LAMA1: variants seen among roughly 807,000 people sequenced by gnomAD.
LAMA1 encodes the protein laminin subunit alpha-1.
LAMA1 carries 219 observed loss-of-function variants against 348.7 expected under a neutral mutation model. The ratio of observed to expected loss-of-function variants is 0.63; its 90% CI spans 0.56 to 0.70. The LOEUF (loss-of-function observed/expected upper bound fraction) is 0.70, where lower values mean the gene tolerates loss of function less well. LAMA1 is among the 30% of genes least tolerant of loss of function. The pLI is 0.00. For missense variants in LAMA1, 3,744 were observed against 3,888.0 expected (o/e 0.96, Z 0.99); for synonymous variants, 1,487 against 1,491.0 (o/e 1.00, Z 0.06).
At chr18:7,021,898 C>CTAGTAATTATA (rs2057919585) in intron 19 of LAMA1, among the ~76,000 whole-genome samples, 2 of 141,774 alleles carry the variant, frequency 1.4e-5, no homozygotes, top group Admixed American at 1.4e-4. Context: ...TGGTTTATTA[C>CTAGTAATTATA]TAGTAATTAT....
intron 4 of LAMA1, among the ~76,000 whole-genome samples, chr18:7,049,762 T>A (rs972514634): frequency 1.1e-4 from 17 of 152,224 alleles, no homozygotes; most frequent in African/African-American, 4.1e-4. Context: ...TCTCAATGTC[T>A]TCAGTTTATT....
In LAMA1 at chr18:6,973,148, G is replaced by T. The variant is rs374082294; in HGVS notation, c.6683C>A (p.Thr2228Lys). The T allele has an allele frequency of 6.2e-7, 1 of 1,614,056 alleles. No homozygotes were observed. The highest frequency in any genetic ancestry group is 1.3e-5 in the African/African-American group (1 of 75,052). Residue 2228 changes from threonine to lysine, a missense_variant, in exon 47 of 63, where the codon ACA becomes AAA. Physicochemically the swap from Thr to Lys is moderately conservative, Grantham distance 78. This residue lies in a region of LAMA1 where 1,983 missense variants were observed against 1,934.3 expected (regional missense o/e 1.03). Transcript: ENST00000389658. Reference sequence around the variant, plus strand: ...TGTCCCAGGGGATTTACTTGTTTTTGTTGGTGACTTTTGATTTGAGCTCAT... The same window carrying T: ...TGTCCCAGGGGATTTACTTGTTTTTTTTGGTGACTTTTGATTTGAGCTCAT... ...KEMSSNQKSP[T>K]KTSKSPGTAN...
At chr18:6,961,371 C>A (rs1259044401) in intron 53 of LAMA1, among the ~76,000 whole-genome samples, 1 of 152,302 alleles carries the variant, frequency 6.6e-6, no homozygotes, top group Non-Finnish European at 1.5e-5. Flanking sequence ...TTTCCTCAGT[C>A]ACCAGACAAT....
intron 1 of LAMA1, among the ~76,000 whole-genome samples, chr18:7,098,365 A>T (rs867370125): frequency 3.7e-4 from 55 of 150,662 alleles, no homozygotes; most frequent in Middle Eastern, 6.9e-3. Flanking sequence ...GAAAGTGAGG[A>T]GCGTCTCCGC....
chr18:7,049,997 A>G (rs2058056395), intron 4 of LAMA1, among the ~76,000 whole-genome samples: 2 of 152,148 alleles, frequency 1.3e-5, no homozygotes, highest in African/African-American at 2.4e-5. Context: ...TTTCTCTCCA[A>G]GTGGTTAGAA....
intron 48 of LAMA1, among the ~76,000 whole-genome samples, chr18:6,969,317 G>A (rs1297477967): frequency 6.6e-6 from 1 of 152,150 alleles, no homozygotes; most frequent in Non-Finnish European, 1.5e-5. Flanking sequence ...GGGATTACAG[G>A]CGTGACCCTC....
intron 12 of LAMA1, among the ~76,000 whole-genome samples, chr18:7,036,872 C>T (rs1020463079): frequency 6.6e-6 from 1 of 151,668 alleles, no homozygotes; most frequent in African/African-American, 2.4e-5. Context: ...AAACCAAAAA[C>T]CCGGGAAGGT....
At chr18:7,029,868 A>C (rs2057960566) in intron 16 of LAMA1, among the ~76,000 whole-genome samples, 1 of 152,146 alleles carries the variant, frequency 6.6e-6, no homozygotes, top group Non-Finnish European at 1.5e-5. Flanking sequence ...TCTCTAATGA[A>C]CTGTGAATAA....
chr18:7,013,527 G>A (rs2057870803), intron 23 of LAMA1, among the ~76,000 whole-genome samples: 1 of 152,106 alleles, frequency 6.6e-6, no homozygotes, highest in Non-Finnish European at 1.5e-5. Context: ...CACCTCACCT[G>A]CATACTCAAG....
intron 48 of LAMA1, among the ~76,000 whole-genome samples, chr18:6,969,257 A>G (rs2057647608): frequency 6.6e-6 from 1 of 152,028 alleles, no homozygotes; most frequent in Non-Finnish European, 1.5e-5. Flanking sequence ...GCACGCCACC[A>G]TGCCTGGCTA....
intron 1 of LAMA1, among the ~76,000 whole-genome samples, chr18:7,084,074 G>GAAAAAAAAAAAAAAAAAAAA (rs35419107): frequency 2.0e-5 from 1 of 49,706 alleles, no homozygotes; most frequent in Non-Finnish European, 3.8e-5. Flanking sequence ...TTCTGTCTCA[G>GAAAAAAAAAAAAAAAAAAAA]AAAAAAAAAA....
intron 1 of LAMA1, 105 bp downstream of exon 1, chr18:7,117,555 G>T: frequency 1.6e-6 from 2 of 1,219,206 alleles, no homozygotes; most frequent in Non-Finnish European, 1.1e-6. Flanking sequence ...GGATCAGGAT[G>T]CGCGCCCGGA....
At chr18:7,026,222 A>G in intron 16 of LAMA1, 116 bp from the exon 17 acceptor site, 2 of 1,274,764 alleles carry the variant, frequency 1.6e-6, no homozygotes, top group Non-Finnish European at 2.2e-6. Flanking sequence ...AAAACCAGTC[A>G]CCAACCTCTG....
chr18:6,979,704 C>T (rs1423217460), intron 42 of LAMA1, among the ~76,000 whole-genome samples: 1 of 152,044 alleles, frequency 6.6e-6, no homozygotes, highest in Admixed American at 6.5e-5. Flanking sequence ...TCGAGACCAT[C>T]CTGGCTAACA....
At chr18:6,942,311 A>T (rs2074061271) in intron 62 of LAMA1, 72 bp from the exon 63 acceptor site, 6 of 1,507,978 alleles carry the variant, frequency 4.0e-6, no homozygotes, top group Non-Finnish European at 5.4e-6. Flanking sequence ...CAAAAGCAAC[A>T]GAAATAATCT....
At chr18:6,979,669 G>A (rs1237687647) in intron 42 of LAMA1, among the ~76,000 whole-genome samples, 2 of 152,196 alleles carry the variant, frequency 1.3e-5, no homozygotes, top group Non-Finnish European at 2.9e-5. Flanking sequence ...GGAGGCCAAG[G>A]CGGGCGGATC....
rs984433837 is a variant in LAMA1 at position 7,002,376 on chromosome 18, C to T, written c.4270G>A (p.Asp1424Asn). 21 of 1,613,336 alleles carry T rather than the reference C, an allele frequency of 1.3e-5. No homozygotes were observed. In the Admixed American group the frequency reaches 2.5e-4, roughly 19 times the overall value. The change falls in exon 30 of 63, where the codon GAT becomes AAT. Residue 1424 changes from aspartate (D) to asparagine (N), a missense_variant. Transcript: ENST00000389658. Reference sequence around the variant, plus strand: ...TCACAATGGTCACCTGCTGTGTTATCGCCACAGTTCTGGGAGCCCACATTT... The same window carrying T: ...TCACAATGGTCACCTGCTGTGTTATTGCCACAGTTCTGGGAGCCCACATTT... ...PNTGKCLNCG[D>N]NTAGDHCDVC...
chr18:6,941,909 GA>G lies in LAMA1; in HGVS notation c.*169del. 1.3e-6 allele frequency: 1 copy of G among 745,824 alleles called. No individual in the cohort carries two copies. The highest frequency in any genetic ancestry group is 2.3e-6 in the Non-Finnish European group (1 of 431,236). The allele number at this position is 745,824 out of a possible 1,614,324, so 46.2% of individuals were successfully genotyped here. A position where few individuals can be genotyped will look rare whatever the true frequency, so the allele number is the denominator to read the frequency against. ...AATTTACATTTTAGACCATTTAATG[GA>G]GGTATTTGTTGCACATGTGGTTTTA... On this transcript the variant is annotated 3_prime_UTR_variant, in exon 63 of 63. Transcript: ENST00000389658.
chr18:7,013,691 G>GCCT lies in LAMA1; in HGVS notation c.3363+123_3363+124insAGG, dbSNP rs2057871561. ...ATAAGAGACTTTGAACTCAGATGCG[G>GCCT]AAGGGAGTGTGAACTCACTAGGAAA... On this transcript the variant is annotated intron_variant, in intron 23 of 62. Transcript: ENST00000389658. 7 of 843,020 alleles carry GCCT rather than the reference G, an allele frequency of 8.3e-6. No homozygotes were observed. The East Asian group carries it at 1.8e-4, about 22-fold the overall frequency. 52.2% of individuals were successfully genotyped at this position (843,020 alleles called of 1,614,324 possible). A position where few individuals can be genotyped will look rare whatever the true frequency, so the allele number is the denominator to read the frequency against.
Sources: allele counts gnomAD v4.1 joint callset (sites outside exome capture counted in the v4.1 genomes callset), GRCh38; gene constraint gnomAD v4.1.1; regional missense constraint gnomAD v4.1.1; transcripts MANE v1.5; gene names NCBI Gene and HGNC (gene_info 2026-07-23, HGNC 2026-07-21).